ADAMTS5: variants seen among roughly 807,000 people sequenced by gnomAD.
ADAMTS5 encodes ADAM metallopeptidase with thrombospondin type 1 motif 5.
ADAMTS5 carries 54 observed loss-of-function variants against 81.4 expected under a neutral mutation model. That is an observed-to-expected ratio of 0.66 (90% CI 0.53 to 0.83). The LOEUF (loss-of-function observed/expected upper bound fraction) is 0.83. Ranked by LOEUF, ADAMTS5 falls within the 40% of genes least tolerant of loss-of-function variation. The pLI is 0.00. For synonymous variants in ADAMTS5, 532 were observed against 508.8 expected, an observed-to-expected ratio of 1.05 and a Z score of -0.61; for missense variants, 1,194 against 1,229.9, an observed-to-expected ratio of 0.97 and a Z score of 0.44.
intron 3 of ADAMTS5, among the ~76,000 whole-genome samples, chr21:26,937,619 A>G (rs1987037563): frequency 6.6e-6 from 1 of 152,246 alleles, no homozygotes; most frequent in Non-Finnish European, 1.5e-5. Flanking sequence ...AACTCACAGT[A>G]TAAAATGTTT....
Position 26,966,122 on chromosome 21 carries a change from G to C in ADAMTS5, c.270C>G (p.Leu90=), listed in dbSNP as rs753611853. ...LYSGGGKVGY[L]VYAGGRRFLL... ...GGAACCTCCGGCCGCCCGCGTAGAC[G>C]AGGTAGCCCACCTTGCCGCCGCCGG... The change falls in exon 1 of 8, where the codon CTC becomes CTG. Residue 90 remains leucine (L), a synonymous_variant. Transcript: ENST00000284987. 3 of 1,612,678 alleles carry C rather than the reference G, an allele frequency of 1.9e-6. No homozygotes were observed. The highest frequency in any genetic ancestry group is 2.2e-5 in the East Asian group (1 of 44,840).
chr21:26,949,824 T>C (rs1987285093), intron 2 of ADAMTS5, among the ~76,000 whole-genome samples: 1 of 152,230 alleles, frequency 6.6e-6, no homozygotes, highest in Admixed American at 6.5e-5. Flanking sequence ...CGGGAAAATA[T>C]CAAGTTTAAT....
intron 3 of ADAMTS5, among the ~76,000 whole-genome samples, chr21:26,935,917 T>C (rs1247925086): frequency 6.6e-6 from 1 of 152,206 alleles, no homozygotes; most frequent in Non-Finnish European, 1.5e-5. Context: ...ACACACACTA[T>C]TCTCCATTCT....
At chr21:26,953,948 C>CA (rs1256073548) in intron 2 of ADAMTS5, 1 of 153,356 alleles carries the variant, frequency 6.5e-6, no homozygotes, top group Admixed American at 6.6e-5. Context: ...AGTAATTTAG[C>CA]AAAAATTGGG....
chr21:26,950,695 A>C (rs1171139390), intron 2 of ADAMTS5, among the ~76,000 whole-genome samples: 1 of 152,200 alleles, frequency 6.6e-6, no homozygotes, highest in Non-Finnish European at 1.5e-5. Context: ...AGAAAAAAAG[A>C]AGTGTTCTAG....
Position 26,965,819 on chromosome 21 carries a change from G to C in ADAMTS5, c.573C>G (p.His191Gln). ...VYGDGSARIL[H>Q]VYTREGFSFE... ...AGCTGAAGCCCTCGCGGGTGTAGAC[G>C]TGCAGGATCCGTGCGGACCCATCCC... Residue 191 changes from histidine (H) to glutamine (Q), a missense_variant, in exon 1 of 8, where the codon CAC (histidine) becomes CAG (glutamine). This residue lies in a region of ADAMTS5 where 498 missense variants were observed against 412.3 expected (regional missense o/e 1.21). Coordinates refer to ENST00000284987, the MANE Select transcript of ADAMTS5 (RefSeq NM_007038.5). The C allele has an allele frequency of 6.2e-7, 1 of 1,610,078 alleles. No individual in the cohort carries two copies. Among genetic ancestry groups the C allele is most frequent in the Non-Finnish European group, 8.5e-7 (1 of 1,178,598 alleles).
chr21:26,949,116 T>C (rs1385325855), intron 2 of ADAMTS5, among the ~76,000 whole-genome samples: 1 of 151,426 alleles, frequency 6.6e-6, no homozygotes, highest in African/African-American at 2.4e-5. Flanking sequence ...CTTTTACTTA[T>C]GAGTATTCTA....
At chr21:26,929,315 T>C (rs141463965) in intron 7 of ADAMTS5, among the ~76,000 whole-genome samples, 67 of 152,272 alleles carry the variant, frequency 4.4e-4, no homozygotes, top group African/African-American at 1.5e-3. Flanking sequence ...AAATTGGTAC[T>C]TCATAAACTT....
chr21:26,921,753 G>A lies in ADAMTS5; in HGVS notation c.*2300C>T, dbSNP rs377212675. ...AAACTACTTAAAAGCATGGAATAGT[G>A]GTTTAATTGCTCTGAGCTCTCTAGG... On this transcript the variant is annotated 3_prime_UTR_variant, in exon 8 of 8. Transcript: ENST00000284987. The A allele has an allele frequency of 1.2e-4, 19 of 152,308 alleles. No homozygotes were observed. Among genetic ancestry groups the A allele is most frequent in the African/African-American group, 4.4e-4 (18 of 41,366 alleles). 9.4% of individuals were successfully genotyped at this position (152,308 alleles called of 1,614,324 possible).
At chr21:26,931,812 G>A (rs1370703122) in intron 6 of ADAMTS5, among the ~76,000 whole-genome samples, 192 bp downstream of exon 6, 2 of 152,084 alleles carry the variant, frequency 1.3e-5, no homozygotes, top group Non-Finnish European at 2.9e-5. Flanking sequence ...TACTTGTTCT[G>A]TTTATAAAAT....
At chr21:26,944,693 TGG>T (rs1987180690) in intron 2 of ADAMTS5, among the ~76,000 whole-genome samples, 1 of 152,164 alleles carries the variant, frequency 6.6e-6, no homozygotes, top group African/African-American at 2.4e-5. Flanking sequence ...ACATTCTCCT[TGG>T]GATCTTGAAT....
intron 7 of ADAMTS5, among the ~76,000 whole-genome samples, chr21:26,927,016 A>G (rs548119734): frequency 6.6e-6 from 1 of 152,238 alleles, no homozygotes; most frequent in East Asian, 1.9e-4. Flanking sequence ...CCTTAGTAAG[A>G]GATGATTCTC....
chr21:26,952,685 C>G (rs1229480671), intron 2 of ADAMTS5, among the ~76,000 whole-genome samples: 1 of 152,188 alleles, frequency 6.6e-6, no homozygotes, highest in East Asian at 1.9e-4. Context: ...GATTTGGAGC[C>G]CATAATCCTG....
At chr21:26,933,079 T>G in intron 4 of ADAMTS5, 35 bp from the exon 5 acceptor site, 1 of 1,572,878 alleles carries the variant, frequency 6.4e-7, no homozygotes, top group Non-Finnish European at 8.6e-7. Flanking sequence ...TTAACTCCAA[T>G]GAGAGAAAAA....
intron 1 of ADAMTS5, among the ~76,000 whole-genome samples, chr21:26,962,587 C>T (rs540116904): frequency 6.6e-6 from 1 of 152,314 alleles, no homozygotes; most frequent in East Asian, 1.9e-4. Flanking sequence ...CGTACATTCG[C>T]TTCATGCCTA....
At chr21:26,952,108 T>C (rs1987330706) in intron 2 of ADAMTS5, among the ~76,000 whole-genome samples, 1 of 152,214 alleles carries the variant, frequency 6.6e-6, no homozygotes. Flanking sequence ...TTAGTTCATA[T>C]GTAATACAAA....
chr21:26,935,558 T>C (rs1275905870), intron 3 of ADAMTS5, among the ~76,000 whole-genome samples: 1 of 152,234 alleles, frequency 6.6e-6, no homozygotes, highest in African/African-American at 2.4e-5. Flanking sequence ...TATGTCTATT[T>C]AATGGAATTG....
chr21:26,948,240 C>A (rs2123192324), intron 2 of ADAMTS5, among the ~76,000 whole-genome samples: 1 of 152,230 alleles, frequency 6.6e-6, no homozygotes, highest in South Asian at 2.1e-4. Flanking sequence ...CCAGGGCTGA[C>A]TTATAACATT....
At chr21:26,953,938 A>C (rs945390781) in intron 2 of ADAMTS5, 4 of 153,772 alleles carry the variant, frequency 2.6e-5, no homozygotes, top group Non-Finnish European at 5.9e-5. Flanking sequence ...ATAGGTATAA[A>C]GTAATTTAGC....
Sources: allele counts gnomAD v4.1 joint callset (sites outside exome capture counted in the v4.1 genomes callset), GRCh38; gene constraint gnomAD v4.1.1; regional missense constraint gnomAD v4.1.1; transcripts MANE v1.5; gene names NCBI Gene and HGNC (gene_info 2026-07-23, HGNC 2026-07-21).